Variants in LRP1B observed in about 807,000 individuals in gnomAD.
The protein encoded by LRP1B is LDL receptor related protein 1B.
A neutral mutation model predicts 556.6 loss-of-function variants in LRP1B; 217 were observed. The observed-to-expected ratio is 0.39, with a 90% CI of 0.35 to 0.44. The LOEUF (loss-of-function observed/expected upper bound fraction) is 0.44, where lower values mean the gene tolerates loss of function less well. LRP1B is among the 20% of genes least tolerant of loss of function. The pLI is 1.00. For missense variants in LRP1B, 5,053 were observed against 5,620.8 expected (o/e 0.90, Z 3.23); for synonymous variants, 2,047 against 1,865.8 (o/e 1.10, Z -2.50).
intron 1 of LRP1B, among the ~76,000 whole-genome samples, chr2:142,032,171 G>T (rs1256741412): frequency 6.6e-6 from 1 of 151,816 alleles, no homozygotes; most frequent in Non-Finnish European, 1.5e-5. Context: ...GATTCCTACA[G>T]AAGTCAACAG....
intron 6 of LRP1B, among the ~76,000 whole-genome samples, chr2:141,218,894 G>T (rs886858612): frequency 4.6e-5 from 7 of 152,116 alleles, no homozygotes; most frequent in African/African-American, 1.7e-4. Flanking sequence ...AGGTATCCAG[G>T]TTCTCTCACT....
At chr2:141,250,643 C>T (rs1684226614) in intron 4 of LRP1B, among the ~76,000 whole-genome samples, 1 of 152,102 alleles carries the variant, frequency 6.6e-6, no homozygotes. Context: ...TGTAGGAATG[C>T]TCACATTTAT....
intron 66 of LRP1B, among the ~76,000 whole-genome samples, chr2:140,435,208 G>A (rs902620659): frequency 2.0e-5 from 3 of 152,010 alleles, no homozygotes; most frequent in Middle Eastern, 3.2e-3. Context: ...GCCAAAAGAG[G>A]TAGAACTTTT....
chr2:141,359,912 C>T (rs1573854807), intron 3 of LRP1B, among the ~76,000 whole-genome samples: 2 of 151,964 alleles, frequency 1.3e-5, no homozygotes, highest in Admixed American at 1.3e-4. Context: ...AGAGAAGTAA[C>T]TTAAGTTTAA....
intron 2 of LRP1B, among the ~76,000 whole-genome samples, chr2:141,558,627 T>C (rs978195155): frequency 9.2e-5 from 14 of 151,844 alleles, no homozygotes; most frequent in Non-Finnish European, 1.5e-4. Flanking sequence ...TGTTGTATCA[T>C]GACTCAACAG....
chr2:141,073,491 T>C (rs1370057128), intron 7 of LRP1B, among the ~76,000 whole-genome samples: 1 of 152,122 alleles, frequency 6.6e-6, no homozygotes, highest in Non-Finnish European at 1.5e-5. Context: ...TCTTGTAATC[T>C]TAGAACTCTC....
intron 3 of LRP1B, among the ~76,000 whole-genome samples, chr2:141,263,910 C>T (rs984917944): frequency 6.6e-6 from 1 of 152,040 alleles, no homozygotes; most frequent in African/African-American, 2.4e-5. Context: ...GCCCAAAAAG[C>T]GTTTAATAAA....
intron 1 of LRP1B, among the ~76,000 whole-genome samples, chr2:142,059,600 A>C (rs1171623671): frequency 6.6e-6 from 1 of 152,066 alleles, no homozygotes; most frequent in Non-Finnish European, 1.5e-5. Flanking sequence ...TTGATTTAAT[A>C]GTCATCTTCT....
intron 1 of LRP1B, among the ~76,000 whole-genome samples, chr2:141,897,963 T>A (rs1444801135): frequency 6.6e-6 from 1 of 152,168 alleles, no homozygotes; most frequent in African/African-American, 2.4e-5. Flanking sequence ...CAGAATTTCA[T>A]AGATGATATC....
At chr2:141,695,991 G>GA (rs1021867517) in intron 2 of LRP1B, among the ~76,000 whole-genome samples, 4 of 151,610 alleles carry the variant, frequency 2.6e-5, no homozygotes, top group Admixed American at 1.3e-4. Context: ...TCTACCTTGT[G>GA]AAAAAAAATC....
chr2:141,293,014 T>C lies in LRP1B; in HGVS notation c.344-38373A>G, dbSNP rs138985178. Among the ~76,000 whole-genome samples, 848 of 152,238 alleles carry C rather than the reference T, an allele frequency of 5.6e-3. 8 individuals carry two copies. The highest frequency in any genetic ancestry group is 0.019 in the African/African-American group (773 of 41,554). On this transcript the variant is annotated intron_variant, in intron 3 of 90. Coordinates refer to ENST00000389484, the MANE Select transcript of LRP1B (RefSeq NM_018557.3). The stretch of plus-strand genomic sequence containing the variant: ...GAATATATGGATATTCTACGTACTA[T>C]CTTCTCAATTTTCCTCCTTTATGCT...
At chr2:140,601,301 C>G (rs1156242043) in intron 42 of LRP1B, 149 bp downstream of exon 42, 1 of 646,206 alleles carries the variant, frequency 1.5e-6, no homozygotes, top group Non-Finnish European at 2.3e-6. Flanking sequence ...TTATAATGCT[C>G]TTACATAAAA....
At chr2:141,082,531 G>A (rs4954879) in intron 7 of LRP1B, among the ~76,000 whole-genome samples, 122,870 of 152,124 alleles carry the variant, frequency 0.81, 49,975 homozygotes, top group Non-Finnish European at 0.85. Flanking sequence ...ATTAACAGGA[G>A]TATTAGAACA....
intron 2 of LRP1B, among the ~76,000 whole-genome samples, chr2:141,564,426 TAAA>T: frequency 6.6e-6 from 1 of 152,162 alleles, no homozygotes; most frequent in South Asian, 2.1e-4. Context: ...TTCTTGATCT[TAAA>T]GAAATAACTA....
At chr2:140,729,037 A>G (rs1009631335) in intron 35 of LRP1B, among the ~76,000 whole-genome samples, 12 of 152,042 alleles carry the variant, frequency 7.9e-5, no homozygotes, top group Non-Finnish European at 1.6e-4. Flanking sequence ...TACACCTTTG[A>G]AGTTTTAATT....
chr2:142,057,137 G>A (rs769969376), intron 1 of LRP1B, among the ~76,000 whole-genome samples: 7 of 152,008 alleles, frequency 4.6e-5, no homozygotes, highest in Non-Finnish European at 2.9e-5. Context: ...AAACATCACC[G>A]CTTCATTTTG....
At chr2:140,905,124 A>T (rs1694212099) in intron 22 of LRP1B, among the ~76,000 whole-genome samples, 3 of 152,064 alleles carry the variant, frequency 2.0e-5, no homozygotes, top group Admixed American at 2.0e-4. Context: ...ACTAGTCAGG[A>T]TCCTCTAAGT....
chr2:140,652,751 T>C (rs1433494555), intron 41 of LRP1B, among the ~76,000 whole-genome samples: 2 of 152,046 alleles, frequency 1.3e-5, no homozygotes, highest in Non-Finnish European at 2.9e-5. Flanking sequence ...AGTACCATAT[T>C]TAGTTGAAAA....
At chr2:141,226,115 T>TC (rs1486183176) in intron 6 of LRP1B, among the ~76,000 whole-genome samples, 9 of 32,444 alleles carry the variant, frequency 2.8e-4, no homozygotes, top group Non-Finnish European at 6.5e-4. Flanking sequence ...GAGTCTCAAT[T>TC]TTCCCCCCCA....
Sources: allele counts gnomAD v4.1 joint callset (sites outside exome capture counted in the v4.1 genomes callset), GRCh38; gene constraint gnomAD v4.1.1; transcripts MANE v1.5; gene names NCBI Gene and HGNC (gene_info 2026-07-23, HGNC 2026-07-21).